The following B3GAT2 variants were observed in gnomAD, a reference collection of about 807,000 sequenced individuals.
The protein encoded by B3GAT2 is galactosylgalactosylxylosylprotein 3-beta-glucuronosyltransferase 2.
A neutral mutation model predicts 27.8 loss-of-function variants in B3GAT2; 26 were observed. The ratio of observed to expected loss-of-function variants is 0.93; its 90% CI spans 0.68 to 1.30. The LOEUF (loss-of-function observed/expected upper bound fraction) is 1.30, where lower values mean the gene tolerates loss of function less well. Among genes scored for constraint, B3GAT2 ranks in the 50% most tolerant of loss-of-function variants. B3GAT2 has a pLI of 0.00. For missense variants in B3GAT2, 458 were observed against 459.0 expected, an observed-to-expected ratio of 1.00 and a Z score of 0.02; for synonymous variants, 218 against 195.1, an observed-to-expected ratio of 1.12 and a Z score of -0.98.
At chr6:70,925,357 C>A (rs540215682) in intron 1 of B3GAT2, among the ~76,000 whole-genome samples, 4 of 152,206 alleles carry the variant, frequency 2.6e-5, no homozygotes, top group Non-Finnish European at 2.9e-5. Context: ...CATCACCTCA[C>A]CCTGGAAGCA....
Position 70,859,319 on chromosome 6 carries a change from T to C in B3GAT2, c.*2344A>G, listed in dbSNP as rs1771590129. The C allele has an allele frequency of 2.6e-6, 4 of 1,544,100 alleles. No homozygotes were observed. Among genetic ancestry groups the C allele is most frequent in the East Asian group, 2.5e-5 (1 of 40,758 alleles). ...ACCAGGAAGGAGTTAATACTGGCTC[T>C]TACTTCCAGATAATGCAGAAGGGTG... On this transcript the variant is annotated 3_prime_UTR_variant, in exon 4 of 4. Coordinates refer to ENST00000230053, the MANE Select transcript of B3GAT2 (RefSeq NM_080742.3).
intron 1 of B3GAT2, among the ~76,000 whole-genome samples, chr6:70,941,716 A>G (rs1765396434): frequency 6.6e-6 from 1 of 152,204 alleles, no homozygotes; most frequent in Non-Finnish European, 1.5e-5. Context: ...TTGATTGACA[A>G]TCTCTGTGCA....
intron 2 of B3GAT2, among the ~76,000 whole-genome samples, chr6:70,870,010 A>C (rs998897468): frequency 6.6e-6 from 1 of 152,100 alleles, no homozygotes; most frequent in Non-Finnish European, 1.5e-5. Flanking sequence ...AGAACTAGAA[A>C]TACCATTTGA....
chr6:70,873,634 T>C (rs1326890732), intron 2 of B3GAT2, among the ~76,000 whole-genome samples: 2 of 152,146 alleles, frequency 1.3e-5, no homozygotes, highest in Admixed American at 6.5e-5. Context: ...ACATTTTTTT[T>C]CAAATATTCT....
At chr6:70,909,966 C>A (rs939383090) in intron 1 of B3GAT2, among the ~76,000 whole-genome samples, 1 of 152,080 alleles carries the variant, frequency 6.6e-6, no homozygotes. Context: ...CTCCACCTCC[C>A]GAGTTCATGC....
chr6:70,946,076 T>G, intron 1 of B3GAT2, among the ~76,000 whole-genome samples: 1 of 151,916 alleles, frequency 6.6e-6, no homozygotes, highest in East Asian at 1.9e-4. Context: ...AAGGAAGCAC[T>G]AAACATGGAA....
In B3GAT2 at chr6:70,881,394, CT is replaced by C. The variant is rs540028254; in HGVS notation, c.736+12733del. Among the ~76,000 whole-genome samples the C allele has an allele frequency of 1.1e-3, 162 of 152,226 alleles. 1 individual carries two copies. Among genetic ancestry groups the C allele is most frequent in the Non-Finnish European group, 1.9e-3 (129 of 68,006 alleles). Reference sequence around the variant, plus strand: ...GTGGGAACTCCTGTGTCTTGGTTTACTTTTTTTAATTATCTACTCATATTTG... The same window carrying C: ...GTGGGAACTCCTGTGTCTTGGTTTACTTTTTTAATTATCTACTCATATTTG... On this transcript the variant is annotated intron_variant, in intron 2 of 3. Transcript: ENST00000230053.
chr6:70,930,941 C>A (rs1465714315), intron 1 of B3GAT2, among the ~76,000 whole-genome samples: 1 of 152,162 alleles, frequency 6.6e-6, no homozygotes, highest in African/African-American at 2.4e-5. Flanking sequence ...ACCCAAATGT[C>A]CATCAATGAC....
Position 70,925,237 on chromosome 6 carries a change from G to A in B3GAT2, c.591+30602C>T, listed in dbSNP as rs145733918. On this transcript the variant is annotated intron_variant, in intron 1 of 3. Coordinates refer to ENST00000230053, the MANE Select transcript of B3GAT2 (RefSeq NM_080742.3). The stretch of plus-strand genomic sequence containing the variant: ...CAGCTCATGCATCTGCGTGAGTGAC[G>A]CAGAAGACAGGAGATTTCTGCATTT... Among the ~76,000 whole-genome samples the A allele has an allele frequency of 9.7e-4, 148 of 152,370 alleles. 1 individual carries two copies. Among genetic ancestry groups the A allele is most frequent in the African/African-American group, 3.2e-3 (132 of 41,582 alleles).
intron 1 of B3GAT2, among the ~76,000 whole-genome samples, chr6:70,902,172 T>C (rs1463590980): frequency 6.6e-6 from 1 of 152,138 alleles, no homozygotes; most frequent in Non-Finnish European, 1.5e-5. Context: ...GTGGCATTAG[T>C]GTAAGGATAA....
chr6:70,951,938 T>C (rs12214127), intron 1 of B3GAT2, among the ~76,000 whole-genome samples: 21,607 of 151,932 alleles, frequency 0.14, 1,834 homozygotes, highest in East Asian at 0.34. Context: ...ATAAAGTAAA[T>C]GTACCAAGGG....
intron 2 of B3GAT2, among the ~76,000 whole-genome samples, chr6:70,864,699 AC>A (rs1258741772): frequency 1.3e-5 from 2 of 152,026 alleles, no homozygotes; most frequent in Admixed American, 6.6e-5. Context: ...GGGGAATCTG[AC>A]CCGCTGTGAA....
chr6:70,860,313 C>G lies in B3GAT2; in HGVS notation c.*1350G>C. 6.2e-7 allele frequency: 1 copy of G among 1,610,374 alleles called. No homozygotes were observed. Among genetic ancestry groups the G allele is most frequent in the Non-Finnish European group, 8.5e-7 (1 of 1,179,050 alleles). On this transcript the variant is annotated 3_prime_UTR_variant, in exon 4 of 4. Coordinates refer to ENST00000230053, the MANE Select transcript of B3GAT2 (RefSeq NM_080742.3). ...CTGGAAGCTCATCAGGTCAGACTCT[C>G]AGCACACAACTGTGGAAATGAAAAC...
chr6:70,867,529 A>T (rs1289930559), intron 2 of B3GAT2, among the ~76,000 whole-genome samples: 1 of 152,156 alleles, frequency 6.6e-6, no homozygotes, highest in Non-Finnish European at 1.5e-5. Context: ...GGGCTATTAT[A>T]AGCAACTTTT....
chr6:70,938,789 A>T (rs1329558225), intron 1 of B3GAT2, among the ~76,000 whole-genome samples: 1 of 152,046 alleles, frequency 6.6e-6, no homozygotes, highest in African/African-American at 2.4e-5. Context: ...CTAAAACCAT[A>T]AAAACCCTAG....
intron 1 of B3GAT2, among the ~76,000 whole-genome samples, chr6:70,945,719 G>A (rs1276567518): frequency 2.0e-5 from 3 of 147,504 alleles, no homozygotes; most frequent in Non-Finnish European, 4.5e-5. Flanking sequence ...TAAATACAGA[G>A]AATGCCACAA....
At chr6:70,929,660 G>A (rs1274174297) in intron 1 of B3GAT2, among the ~76,000 whole-genome samples, 2 of 152,166 alleles carry the variant, frequency 1.3e-5, no homozygotes, top group Non-Finnish European at 2.9e-5. Context: ...CCTCTTCAAG[G>A]AGAACTACAA....
At chr6:70,921,492 T>A (rs773397749) in intron 1 of B3GAT2, among the ~76,000 whole-genome samples, 4 of 152,220 alleles carry the variant, frequency 2.6e-5, no homozygotes, top group Middle Eastern at 3.2e-3. Context: ...TTTCGTTTCA[T>A]CTCTTGTATT....
chr6:70,923,554 T>C (rs1447880692), intron 1 of B3GAT2, among the ~76,000 whole-genome samples: 1 of 152,060 alleles, frequency 6.6e-6, no homozygotes, highest in African/African-American at 2.4e-5. Flanking sequence ...TGTGAACCTA[T>C]AGTCCCAGCT....
Sources: allele counts gnomAD v4.1 joint callset (sites outside exome capture counted in the v4.1 genomes callset), GRCh38; gene constraint gnomAD v4.1.1; transcripts MANE v1.5; gene names NCBI Gene and HGNC (gene_info 2026-07-23, HGNC 2026-07-21).